EFNA4: variants seen among roughly 807,000 people sequenced by gnomAD.
The protein encoded by EFNA4 is ephrin A4.
A neutral mutation model predicts 23.7 loss-of-function variants in EFNA4; 22 were observed. The observed-to-expected ratio is 0.93, with a 90% CI of 0.66 to 1.32. The LOEUF (loss-of-function observed/expected upper bound fraction) is 1.32, where lower values mean the gene tolerates loss of function less well. Among genes scored for constraint, EFNA4 ranks in the 40% most tolerant of loss-of-function variants. The pLI is 0.00. For missense variants in EFNA4, 252 were observed against 252.3 expected, an observed-to-expected ratio of 1.00 and a Z score of 0.01; for synonymous variants, 113 against 108.3, an observed-to-expected ratio of 1.04 and a Z score of -0.27.
chr1:155,069,409 C>A lies in EFNA4; in HGVS notation c.*420C>A. On this transcript the variant is annotated 3_prime_UTR_variant, in exon 4 of 4. Coordinates refer to ENST00000368409, the MANE Select transcript of EFNA4 (RefSeq NM_005227.3). ...CCTGTGGGCCTTTTCCCTGGGGCAGCACCTTGCCCTCCCCAGGGGATCACT... is the reference window on the plus strand; with the variant it reads ...CCTGTGGGCCTTTTCCCTGGGGCAGAACCTTGCCCTCCCCAGGGGATCACT... 1 of 505,414 alleles carries A rather than the reference C, an allele frequency of 2.0e-6. No homozygotes were observed. The highest frequency in any genetic ancestry group is 3.4e-6 in the Non-Finnish European group (1 of 290,884). 31.3% of individuals were successfully genotyped at this position (505,414 alleles called of 1,614,324 possible). A position where few individuals can be genotyped will look rare whatever the true frequency, so the allele number is the denominator to read the frequency against.
At chr1:155,068,695 TTGGGGCTTAGAAAGGA>T (rs779411026) in intron 3 of EFNA4, among the ~76,000 whole-genome samples, 142 bp from the exon 4 acceptor site, 1 of 151,802 alleles carries the variant, frequency 6.6e-6, no homozygotes, top group Non-Finnish European at 1.5e-5. Flanking sequence ...GGCTTGGAAG[TTGGGGCTTAGAAAGGA>T]TGAGGTCATA....
At position 155,063,846 on chromosome 1, in the gene EFNA4, G is replaced by A. The variant is rs1326461416; in HGVS notation, c.23G>A (p.Arg8Gln). The A allele has an allele frequency of 6.5e-7, 1 of 1,546,790 alleles. No individual in the cohort carries two copies. Among genetic ancestry groups the A allele is most frequent in the South Asian group, 1.2e-5 (1 of 83,114 alleles). ...GCGATGCGGCTGCTGCCCCTGCTGCGGACTGTCCTCTGGGCCGCGTTCCTC... is the reference window on the plus strand; with the variant it reads ...GCGATGCGGCTGCTGCCCCTGCTGCAGACTGTCCTCTGGGCCGCGTTCCTC... The part of the protein sequence containing the change: MRLLPLL[R>Q]TVLWAAFLGS... The change falls in exon 1 of 4, where the codon CGG becomes CAG. Residue 8 changes from arginine to glutamine, a missense_variant. Transcript: ENST00000368409. The surrounding 1 kb of genome is among the most constrained non-coding windows in gnomAD (Gnocchi z 4.1).
chr1:155,068,499 C>T (rs1476475212), intron 3 of EFNA4, among the ~76,000 whole-genome samples: 1 of 119,136 alleles, frequency 8.4e-6, no homozygotes, highest in African/African-American at 3.2e-5. Context: ...CCAGGCTGGT[C>T]TCAAACTCCT....
chr1:155,067,770 C>T (rs976312009), intron 3 of EFNA4, among the ~76,000 whole-genome samples: 6 of 151,240 alleles, frequency 4.0e-5, no homozygotes, highest in African/African-American at 1.2e-4. Context: ...TACAGGCACC[C>T]GCCACCACAC....
At chr1:155,064,229 C>T (rs926975942) in intron 1 of EFNA4, among the ~76,000 whole-genome samples, 5 of 152,242 alleles carry the variant, frequency 3.3e-5, no homozygotes, top group African/African-American at 9.6e-5. Flanking sequence ...GCTCCGCCCC[C>T]CTCGCTGCTC....
Position 155,063,744 on chromosome 1 carries a change from C to T in EFNA4, c.-80C>T. On this transcript the variant is annotated 5_prime_UTR_variant, in exon 1 of 4. Coordinates refer to ENST00000368409, the MANE Select transcript of EFNA4 (RefSeq NM_005227.3). This position sits in a 1 kb window ranked among gnomAD's most constrained non-coding sequence, Gnocchi z 4.1. ...CCACTCCCCTTTCCGCAACTTCCCT[C>T]TTCACTTTGTACCTTTCTCTCCTCG... 3.1e-6 allele frequency: 4 copies of T among 1,302,134 alleles called. No individual in the cohort carries two copies. The highest frequency in any genetic ancestry group is 1.5e-5 in the South Asian group (1 of 67,892). The allele number at this position is 1,302,134 out of a possible 1,614,324, so 80.7% of individuals were successfully genotyped here. A position where few individuals can be genotyped will look rare whatever the true frequency, so the allele number is the denominator to read the frequency against.
Position 155,063,817 on chromosome 1 carries a change from G to A in EFNA4, c.-7G>A. 2.0e-6 allele frequency: 3 copies of A among 1,519,696 alleles called. No individual in the cohort carries two copies. The highest frequency in any genetic ancestry group is 1.8e-6 in the Non-Finnish European group (2 of 1,135,016). The allele number at this position is 1,519,696 out of a possible 1,614,324, so 94.1% of individuals were successfully genotyped here. ...GCCAGGCCAGACCAAACCGGACCTCGGGGGCGATGCGGCTGCTGCCCCTGC... is the reference window on the plus strand; with the variant it reads ...GCCAGGCCAGACCAAACCGGACCTCAGGGGCGATGCGGCTGCTGCCCCTGC... On this transcript the variant is annotated 5_prime_UTR_variant, in exon 1 of 4. Coordinates refer to ENST00000368409, the MANE Select transcript of EFNA4 (RefSeq NM_005227.3). This position sits in a 1 kb window ranked among gnomAD's most constrained non-coding sequence, Gnocchi z 4.1.
At chr1:155,068,373 C>A (rs2102444808) in intron 3 of EFNA4, among the ~76,000 whole-genome samples, 1 of 146,414 alleles carries the variant, frequency 6.8e-6, no homozygotes, top group East Asian at 2.1e-4. Context: ...GCAAGCAATT[C>A]TCCTGCCTCA....
chr1:155,064,345 C>T (rs572963283), intron 1 of EFNA4, among the ~76,000 whole-genome samples: 6 of 152,238 alleles, frequency 3.9e-5, no homozygotes, highest in Non-Finnish European at 5.9e-5. Context: ...CTCTCCTGCC[C>T]GCTGGGTCTC....
At position 155,064,050 on chromosome 1, in the gene EFNA4, G is replaced by A. The variant is rs1662907573; in HGVS notation, c.113+114G>A. 6.3e-6 allele frequency: 5 copies of A among 794,872 alleles called. No homozygotes were observed. The East Asian group carries it at 1.6e-4, about 25-fold the overall frequency. The allele number at this position is 794,872 out of a possible 1,614,324, so 49.2% of individuals were successfully genotyped here. On this transcript the variant is annotated intron_variant, in intron 1 of 3. Transcript: ENST00000368409. Reference sequence around the variant, plus strand: ...CGCCTGAGCCTGGCCGCGCGCCGGGGCTCCTTTGTTTGAGCCGGCGGGGGA... The same window carrying A: ...CGCCTGAGCCTGGCCGCGCGCCGGGACTCCTTTGTTTGAGCCGGCGGGGGA...
intron 1 of EFNA4, 137 bp from the exon 2 acceptor site, chr1:155,066,593 G>A (rs1437505173): frequency 6.8e-6 from 7 of 1,022,204 alleles, no homozygotes; most frequent in Non-Finnish European, 9.8e-6. Flanking sequence ...TGGGAACCTC[G>A]GGCCTTCCTG....
chr1:155,066,767 A>G lies in EFNA4; in HGVS notation c.151A>G (p.Asn51Asp). 6.2e-7 allele frequency: 1 copy of G among 1,607,470 alleles called. No individual in the cohort carries two copies. The highest frequency in any genetic ancestry group is 8.5e-7 in the Non-Finnish European group (1 of 1,177,922). ...RGDAVVELGLNDYLDIVCPHY... is the reference protein window; with the variant it reads ...RGDAVVELGLDDYLDIVCPHY... ...AGACGCCGTGGTGGAGCTGGGCCTC[A>G]ACGATTACCTAGACATTGTCTGCCC... The change falls in exon 2 of 4, where the codon AAC becomes GAC. Residue 51 changes from asparagine to aspartate, a missense_variant. Physicochemically the swap from Asn to Asp is conservative, Grantham distance 23. Transcript: ENST00000368409.
rs765348941 is a variant in EFNA4, at chr1:155,068,910, G to A, written c.527G>A (p.Arg176Gln). ...GGAGAGAGTGGCACATCAGGGTGGC[G>A]AGGGGGGGACACTCCCAGCCCCCTC... ...SPGESGTSGW[R>Q]GGDTPSPLCL... is the part of the protein sequence containing the mutation. Residue 176 changes from arginine (R) to glutamine (Q), a missense_variant, in exon 4 of 4, where the codon CGA (arginine) becomes CAA (glutamine). Coordinates refer to ENST00000368409, the MANE Select transcript of EFNA4 (RefSeq NM_005227.3). 1.9e-5 allele frequency: 31 copies of A among 1,614,004 alleles called. No individual in the cohort carries two copies. The highest frequency in any genetic ancestry group is 4.5e-5 in the East Asian group (2 of 44,882).
Position 155,066,785 on chromosome 1 carries a change from G to A in EFNA4, c.169G>A (p.Val57Ile). ...GGGCCTCAACGATTACCTAGACATT[G>A]TCTGCCCCCACTACGAAGGCCCAGG... is the stretch of plus-strand genomic sequence containing the variant. ...ELGLNDYLDI[V>I]CPHYEGPGPP... Residue 57 changes from valine to isoleucine, a missense_variant, in exon 2 of 4, where the codon GTC becomes ATC. By Grantham distance (29) the Val-to-Ile change is conservative. Transcript: ENST00000368409. The A allele has an allele frequency of 6.2e-7, 1 of 1,611,330 alleles. No individual in the cohort carries two copies. The highest frequency in any genetic ancestry group is 1.7e-5 in the Admixed American group (1 of 59,198).
At chr1:155,065,704 ATTTAT>A (rs1330245366) in intron 1 of EFNA4, among the ~76,000 whole-genome samples, 1 of 9,668 alleles carries the variant, frequency 1.0e-4, no homozygotes, top group African/African-American at 2.9e-4. Context: ...CATGGCCTTT[ATTTAT>A]TTATTTATTT....
At chr1:155,068,391 G>C (rs1012182634) in intron 3 of EFNA4, among the ~76,000 whole-genome samples, 1 of 136,336 alleles carries the variant, frequency 7.3e-6, no homozygotes, top group Admixed American at 8.1e-5. Context: ...TCAGTATTCC[G>C]AGTAGCTAGG....
chr1:155,066,894 C>A lies in EFNA4; in HGVS notation c.278C>A (p.Ala93Asp), dbSNP rs1409322528. Residue 93 changes from alanine to aspartate, a missense_variant, in exon 2 of 4, where the codon GCC becomes GAC. Ala to Asp is a moderately radical substitution (Grantham distance 126). Transcript: ENST00000368409. ...YESCQAEGPR[A>D]YKRWVCSLPF... ...TCCTGCCAGGCAGAGGGCCCCCGGG[C>A]CTACAAGCGCTGGGTGTGCTCCCTG... The A allele has an allele frequency of 6.2e-7, 1 of 1,614,138 alleles. No homozygotes were observed. Among genetic ancestry groups the A allele is most frequent in the Non-Finnish European group, 8.5e-7 (1 of 1,180,034 alleles).
At chr1:155,064,042 G>C in intron 1 of EFNA4, 106 bp downstream of exon 1, 1 of 924,558 alleles carries the variant, frequency 1.1e-6, no homozygotes, top group Non-Finnish European at 1.5e-6. Context: ...GCCTGGCCGC[G>C]CGCCGGGGCT....
At chr1:155,067,707 C>T (rs960369548) in intron 3 of EFNA4, among the ~76,000 whole-genome samples, 12 of 150,366 alleles carry the variant, frequency 8.0e-5, no homozygotes, top group African/African-American at 2.7e-4. Context: ...CTGCAAGCTC[C>T]GCCTCTCTGG....
Sources: allele counts gnomAD v4.1 joint callset (sites outside exome capture counted in the v4.1 genomes callset), GRCh38; gene constraint gnomAD v4.1.1; non-coding constraint Gnocchi (gnomAD v3.1); transcripts MANE v1.5; gene names NCBI Gene and HGNC (gene_info 2026-07-23, HGNC 2026-07-21).